Variants in CACNA2D3 observed in about 807,000 individuals in gnomAD.
The protein encoded by CACNA2D3 is calcium voltage-gated channel auxiliary subunit alpha2delta 3, also known as voltage-dependent calcium channel subunit alpha-2/delta-3.
In CACNA2D3, 60 loss-of-function variants were observed where a neutral mutation model predicts 160.6. That is an observed-to-expected ratio of 0.37 (90% CI 0.30 to 0.46). The LOEUF (loss-of-function observed/expected upper bound fraction) is 0.46, where lower values mean the gene tolerates loss of function less well. Ranked by LOEUF, CACNA2D3 falls within the 20% of genes least tolerant of loss-of-function variation. The probability of loss-of-function intolerance (pLI) is 1.00; values close to 1 mark genes in which losing one functional copy is unlikely to be tolerated. For missense variants in CACNA2D3, 1,205 were observed against 1,365.0 expected (o/e 0.88, Z 1.85); for synonymous variants, 558 against 492.9 (o/e 1.13, Z -1.75).
chr3:54,981,078 T>G (rs1702496213), intron 29 of CACNA2D3, among the ~76,000 whole-genome samples: 1 of 152,212 alleles, frequency 6.6e-6, no homozygotes, highest in Non-Finnish European at 1.5e-5. Flanking sequence ...AAACCAGGAA[T>G]TGAACCCTGA....
intron 17 of CACNA2D3, among the ~76,000 whole-genome samples, chr3:54,847,738 G>A (rs1446634597): frequency 1.3e-5 from 2 of 152,194 alleles, no homozygotes; most frequent in African/African-American, 4.8e-5. Flanking sequence ...AAGTCTGATT[G>A]AAAAAGCGGC....
chr3:54,636,039 T>C (rs1249280097), intron 10 of CACNA2D3, among the ~76,000 whole-genome samples: 3 of 151,796 alleles, frequency 2.0e-5, no homozygotes, highest in Non-Finnish European at 4.4e-5. Context: ...GAGCTTGATG[T>C]GTAGGGAAGG....
chr3:54,734,583 C>T (rs1022721013), intron 11 of CACNA2D3, among the ~76,000 whole-genome samples: 15 of 152,198 alleles, frequency 9.9e-5, no homozygotes, highest in Middle Eastern at 3.2e-3. Flanking sequence ...GCGTGACACC[C>T]CATCACTACC....
chr3:54,635,382 C>G (rs1458874650), intron 10 of CACNA2D3, among the ~76,000 whole-genome samples: 2 of 151,938 alleles, frequency 1.3e-5, no homozygotes, highest in African/African-American at 4.8e-5. Flanking sequence ...GAGATATCAG[C>G]TATGATGGCT....
At chr3:54,846,013 A>T (rs1224090209) in intron 16 of CACNA2D3, among the ~76,000 whole-genome samples, 2 of 152,236 alleles carry the variant, frequency 1.3e-5, no homozygotes, top group Non-Finnish European at 2.9e-5. Context: ...TCCTTATTAC[A>T]GGCAGAGAGA....
intron 2 of CACNA2D3, among the ~76,000 whole-genome samples, chr3:54,267,265 A>T (rs909997883): frequency 1.3e-5 from 2 of 152,216 alleles, no homozygotes; most frequent in Non-Finnish European, 2.9e-5. Context: ...TATTTGAGGT[A>T]TGGAAAACAT....
chr3:54,597,207 T>A (rs1702971137), intron 9 of CACNA2D3, among the ~76,000 whole-genome samples: 1 of 152,138 alleles, frequency 6.6e-6, no homozygotes, highest in Non-Finnish European at 1.5e-5. Context: ...CCTTGCTGCC[T>A]CTCTGTCTAC....
chr3:54,284,558 C>T (rs565664118), intron 2 of CACNA2D3, among the ~76,000 whole-genome samples: 149 of 152,130 alleles, frequency 9.8e-4, no homozygotes, highest in African/African-American at 3.0e-3. Flanking sequence ...AAGGAAAAAT[C>T]GTATTAAAAT....
At chr3:54,746,964 A>G (rs921629009) in intron 11 of CACNA2D3, among the ~76,000 whole-genome samples, 1 of 152,128 alleles carries the variant, frequency 6.6e-6, no homozygotes, top group African/African-American at 2.4e-5. Context: ...CGGTTGACAC[A>G]AGCTTTTTAA....
At chr3:54,206,588 C>G (rs1050691125) in intron 2 of CACNA2D3, among the ~76,000 whole-genome samples, 2 of 152,122 alleles carry the variant, frequency 1.3e-5, no homozygotes, top group South Asian at 4.2e-4. Flanking sequence ...GAGGGTGAGG[C>G]TAATGCTAAG....
intron 2 of CACNA2D3, among the ~76,000 whole-genome samples, chr3:54,287,206 A>C (rs59311463): frequency 0.059 from 8,961 of 152,224 alleles, 404 homozygotes; most frequent in East Asian, 0.22. Flanking sequence ...AGACACACAT[A>C]GGCTCAAAAT....
At chr3:54,714,869 T>C (rs1359482304) in intron 11 of CACNA2D3, among the ~76,000 whole-genome samples, 1 of 152,248 alleles carries the variant, frequency 6.6e-6, no homozygotes, top group Non-Finnish European at 1.5e-5. Flanking sequence ...AATTGAGTTT[T>C]AGTGATATAG....
chr3:54,663,546 T>G (rs1279634788), intron 11 of CACNA2D3, among the ~76,000 whole-genome samples: 1 of 152,216 alleles, frequency 6.6e-6, no homozygotes, highest in Non-Finnish European at 1.5e-5. Context: ...TGATCCCAGA[T>G]AAGACATCTG....
At chr3:54,279,220 C>T (rs182134323) in intron 2 of CACNA2D3, among the ~76,000 whole-genome samples, 1 of 152,252 alleles carries the variant, frequency 6.6e-6, no homozygotes, top group Admixed American at 6.5e-5. Flanking sequence ...CAAGTCCAAG[C>T]AGGGGTGAGG....
At chr3:54,123,947 A>G (rs964640410) in intron 2 of CACNA2D3, among the ~76,000 whole-genome samples, 10 of 152,218 alleles carry the variant, frequency 6.6e-5, no homozygotes, top group African/African-American at 2.4e-4. Flanking sequence ...TCCAAGGGGC[A>G]GACTCAGTGC....
chr3:54,589,168 A>G (rs978803196), intron 9 of CACNA2D3, among the ~76,000 whole-genome samples: 2 of 152,104 alleles, frequency 1.3e-5, no homozygotes, highest in Non-Finnish European at 2.9e-5. Flanking sequence ...TAGAAGAGAA[A>G]TAGACATATA....
At chr3:54,627,349 CA>C (rs1699144075) in intron 9 of CACNA2D3, among the ~76,000 whole-genome samples, 1 of 151,960 alleles carries the variant, frequency 6.6e-6, no homozygotes, top group Admixed American at 6.6e-5. Flanking sequence ...GGGTTATGCC[CA>C]TATGAGATGT....
intron 2 of CACNA2D3, among the ~76,000 whole-genome samples, chr3:54,225,019 A>G (rs1410990512): frequency 6.8e-6 from 1 of 147,576 alleles, no homozygotes; most frequent in African/African-American, 2.5e-5. Context: ...TTTGTTACAT[A>G]TGTATACATG....
chr3:54,415,539 G>A (rs924605865), intron 4 of CACNA2D3, among the ~76,000 whole-genome samples: 42 of 152,032 alleles, frequency 2.8e-4, no homozygotes, highest in African/African-American at 9.2e-4. Flanking sequence ...ATTATTTTAT[G>A]ACTAACAACT....
Sources: gnomAD v4.1 joint callset for allele counts (sites outside exome capture counted in the v4.1 genomes callset) on GRCh38, gnomAD v4.1.1 for gene constraint, MANE v1.5 for transcripts, NCBI Gene and HGNC (gene_info 2026-07-23, HGNC 2026-07-21) for gene names.